The following RBPJ variants were observed in gnomAD, a reference collection of about 807,000 sequenced individuals.
RBPJ encodes recombining binding protein suppressor of hairless.
A neutral mutation model predicts 67.8 loss-of-function variants in RBPJ; 9 were observed. That is an observed-to-expected ratio of 0.13 (90% CI 0.08 to 0.23). The LOEUF (loss-of-function observed/expected upper bound fraction) is 0.23. RBPJ is among the 10% of genes least tolerant of loss of function. The pLI, the probability that RBPJ is intolerant of heterozygous loss-of-function variation, is 1.00. For missense variants in RBPJ, 305 were observed against 595.6 expected (o/e 0.51, Z 5.08); for synonymous variants, 198 against 203.3 (o/e 0.97, Z 0.22).
intron 1 of RBPJ, chr4:26,362,702 A>G: frequency 8.5e-7 from 1 of 1,173,586 alleles, no homozygotes; most frequent in South Asian, 1.3e-5. Flanking sequence ...TATTTAGTTA[A>G]TGCATATTTA....
intron 1 of RBPJ, among the ~76,000 whole-genome samples, chr4:26,336,841 G>A (rs1724885511): frequency 6.6e-6 from 1 of 151,914 alleles, no homozygotes; most frequent in Non-Finnish European, 1.5e-5. Context: ...AACATTTTAA[G>A]GTATATTTAT....
At position 26,235,561 on chromosome 4, in the gene RBPJ, A is replaced by G. The variant is rs556268737; in HGVS notation, c.-167+71947A>G. On this transcript the variant is annotated intron_variant, in intron 1 of 4. Transcript: ENST00000512351. ...TACCATGATCATCTTTGGTGATGCA[A>G]TTTAGGAATGACTGGCCTTAGGCAA... Among the ~76,000 whole-genome samples, 32 of 152,282 alleles carry G rather than the reference A, an allele frequency of 2.1e-4. No homozygotes were observed. In the South Asian group the frequency reaches 6.4e-3, roughly 31 times the overall value.
upstream of RBPJ, among the ~76,000 whole-genome samples, chr4:26,158,937 C>G (rs1219081776): frequency 8.2e-6 from 1 of 121,410 alleles, no homozygotes. Context: ...CTTTCTCCCT[C>G]TCTCTCTTTC....
At chr4:26,120,531 C>T in the RBPJ span, among the ~76,000 whole-genome samples, 57 of 152,194 alleles carry the variant, frequency 3.7e-4, no homozygotes, top group African/African-American at 1.3e-3. Flanking sequence ...ATTCTCATGG[C>T]CTTTCATACT....
chr4:26,169,656 G>A (rs1047723487), intron 1 of RBPJ, among the ~76,000 whole-genome samples: 1 of 152,242 alleles, frequency 6.6e-6, no homozygotes, highest in African/African-American at 2.4e-5. Flanking sequence ...CTTTTTGTTT[G>A]TCTGTGCCCT....
intron 1 of RBPJ, among the ~76,000 whole-genome samples, chr4:26,265,471 G>C (rs970986685): frequency 1.3e-5 from 2 of 151,660 alleles, no homozygotes; most frequent in African/African-American, 4.8e-5. Flanking sequence ...AGAGATTTCA[G>C]TGGCTACTGC....
At chr4:26,198,490 T>C (rs1010313794) in intron 1 of RBPJ, among the ~76,000 whole-genome samples, 3 of 152,200 alleles carry the variant, frequency 2.0e-5, no homozygotes, top group Admixed American at 6.5e-5. Context: ...GTTTACATAT[T>C]TTATACATTA....
chr4:26,210,728 C>T (rs373082691), intron 1 of RBPJ, among the ~76,000 whole-genome samples: 492 of 41,730 alleles, frequency 0.012, 27 homozygotes, highest in African/African-American at 0.035. Flanking sequence ...TCTTTCTTTC[C>T]TTCTTTACTT....
chr4:26,212,763 G>A (rs73809263), intron 1 of RBPJ, among the ~76,000 whole-genome samples: 212 of 152,150 alleles, frequency 1.4e-3, no homozygotes, highest in African/African-American at 4.9e-3. Flanking sequence ...AGGCTTTGCT[G>A]GGTTCCTCAC....
chr4:26,401,961 T>C (rs927299658), intron 2 of RBPJ, among the ~76,000 whole-genome samples: 2 of 151,192 alleles, frequency 1.3e-5, no homozygotes, highest in African/African-American at 4.9e-5. Flanking sequence ...CAATCTTGGC[T>C]GACTGCAACC....
At chr4:26,184,805 A>G (rs912692009) in intron 1 of RBPJ, among the ~76,000 whole-genome samples, 2 of 152,202 alleles carry the variant, frequency 1.3e-5, no homozygotes, top group Non-Finnish European at 2.9e-5. Context: ...AAGGCACAGT[A>G]ATAGATACCA....
At chr4:26,367,552 GA>G (rs1231352728) in intron 1 of RBPJ, among the ~76,000 whole-genome samples, 1 of 152,166 alleles carries the variant, frequency 6.6e-6, no homozygotes, top group African/African-American at 2.4e-5. Flanking sequence ...CTTCAATTCA[GA>G]AGGCAAATAT....
intron 1 of RBPJ, among the ~76,000 whole-genome samples, chr4:26,359,144 C>T (rs13145175): frequency 0.014 from 2,058 of 152,184 alleles, 29 homozygotes; most frequent in Non-Finnish European, 0.02. Flanking sequence ...CTTGATCTCA[C>T]GGAACGTACA....
intron 2 of RBPJ, among the ~76,000 whole-genome samples, chr4:26,393,821 T>C (rs950544962): frequency 1.3e-5 from 2 of 151,970 alleles, no homozygotes; most frequent in African/African-American, 4.8e-5. Flanking sequence ...GAGTTTAAAA[T>C]TGGGCAGATT....
At chr4:26,326,138 G>T (rs907232279) in intron 1 of RBPJ, among the ~76,000 whole-genome samples, 2 of 152,000 alleles carry the variant, frequency 1.3e-5, no homozygotes, top group Non-Finnish European at 2.9e-5. Flanking sequence ...TTTTAAAATT[G>T]TGTGTGTGCT....
chr4:26,214,990 G>A (rs1317230626), intron 1 of RBPJ, among the ~76,000 whole-genome samples: 1 of 39,008 alleles, frequency 2.6e-5, no homozygotes, highest in Non-Finnish European at 4.5e-5. Flanking sequence ...GAAGGAGGGA[G>A]GGAGGGAGGG....
the RBPJ span, among the ~76,000 whole-genome samples, chr4:26,148,565 G>T: frequency 6.6e-6 from 1 of 152,136 alleles, no homozygotes; most frequent in Admixed American, 6.5e-5. Context: ...TTATAGAATT[G>T]GGCATCAGAA....
At chr4:26,335,617 C>CTTTTT (rs34386877) in intron 1 of RBPJ, among the ~76,000 whole-genome samples, 2 of 107,836 alleles carry the variant, frequency 1.9e-5, no homozygotes, top group Admixed American at 1.1e-4. Context: ...ATGCTTACTT[C>CTTTTT]TTTTTTTTTT....
intron 1 of RBPJ, among the ~76,000 whole-genome samples, chr4:26,283,065 G>T (rs1721332019): frequency 6.7e-6 from 1 of 148,752 alleles, no homozygotes; most frequent in Non-Finnish European, 1.5e-5. Context: ...CAAGTAGCTG[G>T]GATTACAGGC....
Sources: allele counts gnomAD v4.1 joint callset (sites outside exome capture counted in the v4.1 genomes callset), GRCh38; gene constraint gnomAD v4.1.1; transcripts MANE v1.5; gene names NCBI Gene and HGNC (gene_info 2026-07-23, HGNC 2026-07-21).